SH3RF3: variants seen among roughly 807,000 people sequenced by gnomAD.
SH3RF3 encodes the protein SH3 domain containing ring finger 3.
Under a neutral mutation model 66.3 loss-of-function variants are expected in SH3RF3, and 29 were observed. The ratio of observed to expected loss-of-function variants is 0.44; its 90% CI spans 0.33 to 0.60. The LOEUF is 0.60. Among genes scored for constraint, SH3RF3 ranks in the 20% least tolerant of loss-of-function variants. The pLI is 0.04. For synonymous variants in SH3RF3, 583 were observed against 532.0 expected (o/e 1.10, Z -1.32); for missense variants, 1,194 against 1,190.9 (o/e 1.00, Z -0.04).
Position 109,383,262 on chromosome 2 carries a change from A to G in SH3RF3, c.945+11581A>G, listed in dbSNP as rs571141785. 4.6e-5 allele frequency among the ~76,000 whole-genome samples: 7 copies of G among 152,288 alleles called. No homozygotes were observed. The South Asian group carries it at 1.2e-3, about 27-fold the overall frequency. ...GGCTATGTTTGGTACAGAAGAAACC[A>G]TGTCTGATTTTTCAGCTGGAACCAA... On this transcript the variant is annotated intron_variant, in intron 3 of 9. Coordinates refer to ENST00000309415, the MANE Select transcript of SH3RF3 (RefSeq NM_001099289.3).
intron 7 of SH3RF3, among the ~76,000 whole-genome samples, chr2:109,441,554 G>A (rs1373825102): frequency 2.6e-5 from 4 of 152,228 alleles, no homozygotes; most frequent in Non-Finnish European, 4.4e-5. Flanking sequence ...TGAGCAATGG[G>A]ACAACTTTAA....
chr2:109,369,695 G>A (rs189092047), intron 2 of SH3RF3, among the ~76,000 whole-genome samples: 1 of 152,252 alleles, frequency 6.6e-6, no homozygotes, highest in African/African-American at 2.4e-5. Flanking sequence ...CCAGCACAGA[G>A]CCCAGCCTGC....
At chr2:109,477,778 C>T (rs1024981618) in intron 8 of SH3RF3, among the ~76,000 whole-genome samples, 1 of 152,164 alleles carries the variant, frequency 6.6e-6, no homozygotes, top group Non-Finnish European at 1.5e-5. Context: ...TCACCGTGTC[C>T]TCACGTGGTC....
chr2:109,251,749 T>G (rs1680097271), intron 1 of SH3RF3: 1 of 618,638 alleles, frequency 1.6e-6, no homozygotes. Context: ...ATTAGACTTT[T>G]TGTTAAATAA....
intron 4 of SH3RF3, among the ~76,000 whole-genome samples, chr2:109,399,218 C>T (rs1208025145): frequency 1.3e-5 from 2 of 152,186 alleles, no homozygotes; most frequent in African/African-American, 4.8e-5. Flanking sequence ...ACCCACCCGC[C>T]TCATGACAAG....
intron 8 of SH3RF3, among the ~76,000 whole-genome samples, chr2:109,467,905 A>C (rs114583825): frequency 0.015 from 2,317 of 152,280 alleles, 61 homozygotes; most frequent in African/African-American, 0.053. Context: ...AGCCAGCTGC[A>C]CCAACACCCC....
At chr2:109,174,512 A>G (rs1292286840) in intron 1 of SH3RF3, among the ~76,000 whole-genome samples, 1 of 152,230 alleles carries the variant, frequency 6.6e-6, no homozygotes, top group African/African-American at 2.4e-5. Flanking sequence ...AGCCAGGGCA[A>G]CGGGCAGTCC....
chr2:109,409,698 G>A (rs1257486103), intron 4 of SH3RF3, among the ~76,000 whole-genome samples: 1 of 152,026 alleles, frequency 6.6e-6, no homozygotes, highest in Non-Finnish European at 1.5e-5. Context: ...TGCCCTCCCC[G>A]AGAGGGAGAT....
In SH3RF3 at chr2:109,466,957, G is replaced by T. The variant is rs545804094; in HGVS notation, c.2148+17468G>T. Among the ~76,000 whole-genome samples, 127 of 152,314 alleles carry T rather than the reference G, an allele frequency of 8.3e-4. 1 individual carries two copies. Among genetic ancestry groups the T allele is most frequent in the African/African-American group, 3.0e-3 (124 of 41,570 alleles). On this transcript the variant is annotated intron_variant, in intron 8 of 9. Coordinates refer to ENST00000309415, the MANE Select transcript of SH3RF3 (RefSeq NM_001099289.3). ...TGTATGTGTGTGTCTATATATCTGT[G>T]TGCATGTGTGTGTATGTCTTCATAC... is the stretch of plus-strand genomic sequence containing the variant.
intron 1 of SH3RF3, among the ~76,000 whole-genome samples, chr2:109,303,339 G>A (rs139844312): frequency 1.1e-3 from 164 of 152,350 alleles, no homozygotes; most frequent in Non-Finnish European, 2.0e-3. Flanking sequence ...GTTAAGACAA[G>A]GTGTGCGTTC....
At position 109,490,612 on chromosome 2, in the gene SH3RF3, A is replaced by G. The variant is rs747636623; in HGVS notation, c.2156A>G (p.Lys719Arg). Residue 719 changes from lysine to arginine, a missense_variant, in exon 9 of 10, where the codon AAG becomes AGG. Transcript: ENST00000309415. Reference protein sequence around the residue: ...LDEKKSEKKEKKSGLLKLLAG... With the variant: ...LDEKKSEKKERKSGLLKLLAG... Reference sequence around the variant, plus strand: ...TCTTGTGTGTCTCCCCAGAAAGAGAAGAAGAGTGGGCTCCTGAAGCTTCTA... The same window carrying G: ...TCTTGTGTGTCTCCCCAGAAAGAGAGGAAGAGTGGGCTCCTGAAGCTTCTA... 2.8e-6 allele frequency: 4 copies of G among 1,444,080 alleles called. No homozygotes were observed. In the South Asian group the frequency reaches 5.7e-5, roughly 21 times the overall value. 89.5% of individuals were successfully genotyped at this position (1,444,080 alleles called of 1,614,324 possible). A position where few individuals can be genotyped will look rare whatever the true frequency, so the allele number is the denominator to read the frequency against.
At chr2:109,251,030 C>T (rs1390656506) in intron 1 of SH3RF3, among the ~76,000 whole-genome samples, 2 of 151,146 alleles carry the variant, frequency 1.3e-5, no homozygotes, top group Non-Finnish European at 2.9e-5. Flanking sequence ...GAGATTGAGT[C>T]TCACTCTGTC....
rs891858744 is a variant in SH3RF3, at chr2:109,406,810, G to C, written c.1299+7867G>C. Among the ~76,000 whole-genome samples, 4 of 152,274 alleles carry C rather than the reference G, an allele frequency of 2.6e-5. No homozygotes were observed. In the East Asian group the frequency reaches 5.8e-4, roughly 22 times the overall value. ...CAGAAATGAAGCAACCAGTGCAGAG[G>C]CTACATGGAAGCCTCTGCTCATGCG... On this transcript the variant is annotated intron_variant, in intron 4 of 9. Transcript: ENST00000309415.
chr2:109,400,610 C>T (rs1175705707), intron 4 of SH3RF3, among the ~76,000 whole-genome samples: 1 of 151,836 alleles, frequency 6.6e-6, no homozygotes, highest in African/African-American at 2.4e-5. Context: ...TATATGCGTC[C>T]CTTCCACATA....
In SH3RF3 at chr2:109,449,280, G is replaced by A. The variant is rs746727930; in HGVS notation, c.1939G>A (p.Val647Met). 14 of 1,610,674 alleles carry A rather than the reference G, an allele frequency of 8.7e-6. No individual in the cohort carries two copies. In the African/African-American group the frequency reaches 1.7e-4, roughly 20 times the overall value. ...TGCCACCAGCCTCAGGCCCCACTCG[G>A]TGGTGTCCCCGCAGCACAGCCACCA... ...LPATSLRPHSVVSPQHSHQPP... is the reference protein window; with the variant it reads ...LPATSLRPHSMVSPQHSHQPP... Residue 647 changes from valine (V) to methionine (M), a missense_variant, in exon 8 of 10, where the codon GTG becomes ATG. Coordinates refer to ENST00000309415, the MANE Select transcript of SH3RF3 (RefSeq NM_001099289.3).
At chr2:109,194,317 T>G (rs1678442251) in intron 1 of SH3RF3, among the ~76,000 whole-genome samples, 1 of 152,224 alleles carries the variant, frequency 6.6e-6, no homozygotes, top group Admixed American at 6.5e-5. Context: ...TTTCGAAAGC[T>G]TGGGCTGCGG....
chr2:109,430,390 C>G (rs181609191), intron 5 of SH3RF3, among the ~76,000 whole-genome samples: 1 of 152,200 alleles, frequency 6.6e-6, no homozygotes, highest in Non-Finnish European at 1.5e-5. Context: ...CCTCCCTGCA[C>G]TCTTCCTCTC....
At chr2:109,357,893 G>C (rs1461510700) in intron 2 of SH3RF3, among the ~76,000 whole-genome samples, 1 of 152,160 alleles carries the variant, frequency 6.6e-6, no homozygotes, top group African/African-American at 2.4e-5. Context: ...TAGTGCATTT[G>C]TTACAATCAA....
intron 9 of SH3RF3, among the ~76,000 whole-genome samples, chr2:109,499,608 C>CT (rs1037764160): frequency 3.3e-5 from 5 of 152,060 alleles, no homozygotes; most frequent in Non-Finnish European, 4.4e-5. Context: ...CTGTCAGACT[C>CT]TAAGCATAAG....
Sources: gnomAD v4.1 joint callset for allele counts (sites outside exome capture counted in the v4.1 genomes callset) on GRCh38, gnomAD v4.1.1 for gene constraint, MANE v1.5 for transcripts, NCBI Gene and HGNC (gene_info 2026-07-23, HGNC 2026-07-21) for gene names.